Variants in NCOA2 observed in about 807,000 individuals in gnomAD.
NCOA2 encodes the protein nuclear receptor coactivator 2.
NCOA2 carries 21 observed loss-of-function variants against 145.1 expected under a neutral mutation model. The ratio of observed to expected loss-of-function variants is 0.14; its 90% CI spans 0.10 to 0.21. The LOEUF (loss-of-function observed/expected upper bound fraction) is 0.21. NCOA2 is among the 10% of genes least tolerant of loss of function. NCOA2 has a pLI of 1.00. For missense variants in NCOA2, 1,472 were observed against 1,837.6 expected, an observed-to-expected ratio of 0.80 and a Z score of 3.64; for synonymous variants, 619 against 637.5, an observed-to-expected ratio of 0.97 and a Z score of 0.44.
intron 2 of NCOA2, among the ~76,000 whole-genome samples, chr8:70,221,990 T>A (rs1372005514): frequency 1.3e-5 from 2 of 152,212 alleles, no homozygotes; most frequent in Non-Finnish European, 2.9e-5. Flanking sequence ...TCATAAGGGC[T>A]CTTTTAACGT....
At chr8:70,424,302 G>T in the NCOA2 span, 1 of 374,696 alleles carries the variant, frequency 2.7e-6, no homozygotes, top group South Asian at 2.2e-5. Flanking sequence ...CCTGGCTATA[G>T]TTTCCAGCCT....
the NCOA2 span, among the ~76,000 whole-genome samples, chr8:70,438,389 C>T: frequency 1.3e-5 from 2 of 151,982 alleles, no homozygotes; most frequent in Non-Finnish European, 2.9e-5. Flanking sequence ...TTTTTTCTTC[C>T]TCTTTTTTAT....
chr8:70,121,531 C>A (rs559112396), intron 21 of NCOA2, 140 bp from the exon 22 acceptor site: 14 of 630,068 alleles, frequency 2.2e-5, no homozygotes, highest in African/African-American at 1.6e-4. Context: ...TGGCCTCATC[C>A]TACACAAGCT....
the NCOA2 span, among the ~76,000 whole-genome samples, chr8:70,422,467 G>T: frequency 6.6e-6 from 1 of 151,718 alleles, no homozygotes; most frequent in African/African-American, 2.4e-5. Flanking sequence ...TTGGAGTGAA[G>T]TCGTGCAATC....
At chr8:70,302,979 T>C (rs1448676483) in intron 1 of NCOA2, among the ~76,000 whole-genome samples, 1 of 152,178 alleles carries the variant, frequency 6.6e-6, no homozygotes, top group Non-Finnish European at 1.5e-5. Flanking sequence ...TGCCCATTCC[T>C]TTCCATCTTG....
intron 5 of NCOA2, among the ~76,000 whole-genome samples, chr8:70,174,303 C>T (rs568345738): frequency 1.3e-5 from 2 of 152,264 alleles, no homozygotes; most frequent in South Asian, 4.1e-4. Flanking sequence ...AGTTTTCTTC[C>T]TTATGAGATA....
At chr8:70,373,774 A>G (rs1049989495) in intron 1 of NCOA2, among the ~76,000 whole-genome samples, 1 of 152,188 alleles carries the variant, frequency 6.6e-6, no homozygotes, top group East Asian at 1.9e-4. Flanking sequence ...ACCAATATCC[A>G]GTTGTTTTAA....
rs1409497568 is a variant in NCOA2 at position 70,276,033 on chromosome 8, T to C, written c.-20+20711A>G. 2.6e-5 allele frequency among the ~76,000 whole-genome samples: 4 copies of C among 152,216 alleles called. No homozygotes were observed. In the South Asian group the frequency reaches 6.2e-4, roughly 24 times the overall value. ...ACATCTAGAATTGTTCCTCTTTCTA[T>C]GAATGATTCCCTAATTATCAGAGAC... On this transcript the variant is annotated intron_variant, in intron 2 of 22. Transcript: ENST00000452400.
At chr8:70,203,088 C>A (rs1436226830) in intron 4 of NCOA2, among the ~76,000 whole-genome samples, 1 of 151,936 alleles carries the variant, frequency 6.6e-6, no homozygotes, top group Non-Finnish European at 1.5e-5. Context: ...CACGGTGAAA[C>A]CCCGTCTCAA....
intron 2 of NCOA2, among the ~76,000 whole-genome samples, chr8:70,256,030 T>C (rs751462752): frequency 6.6e-6 from 1 of 152,234 alleles, no homozygotes; most frequent in Non-Finnish European, 1.5e-5. Flanking sequence ...ATAAGCTCTG[T>C]GGTTCTTTAC....
chr8:70,161,525 G>A (rs1812999618), intron 9 of NCOA2, among the ~76,000 whole-genome samples: 1 of 152,100 alleles, frequency 6.6e-6, no homozygotes, highest in African/African-American at 2.4e-5. Flanking sequence ...TGAATAAGAT[G>A]AGGGGAAAAA....
the NCOA2 span, among the ~76,000 whole-genome samples, chr8:70,433,230 T>C: frequency 2.0e-5 from 3 of 152,122 alleles, no homozygotes; most frequent in Admixed American, 1.3e-4. Context: ...AGAATAATAG[T>C]CAATAGTGAT....
At chr8:70,370,794 TAGA>T (rs1413275829) in intron 1 of NCOA2, among the ~76,000 whole-genome samples, 1 of 152,000 alleles carries the variant, frequency 6.6e-6, no homozygotes, top group East Asian at 1.9e-4. Context: ...AGGCCACAAT[TAGA>T]AGAATGATAG....
chr8:70,251,730 T>C (rs975990192), intron 2 of NCOA2, among the ~76,000 whole-genome samples: 4 of 152,226 alleles, frequency 2.6e-5, no homozygotes, highest in Admixed American at 1.3e-4. Context: ...TTGAGATCAG[T>C]ATTACTCCCA....
At chr8:70,178,837 C>T (rs1295440233) in intron 4 of NCOA2, among the ~76,000 whole-genome samples, 4 of 152,158 alleles carry the variant, frequency 2.6e-5, no homozygotes, top group African/African-American at 9.7e-5. Flanking sequence ...CGGGCCACTA[C>T]AAAATCTCAG....
At chr8:70,118,552 A>G (rs542858019) in intron 22 of NCOA2, among the ~76,000 whole-genome samples, 3 of 152,236 alleles carry the variant, frequency 2.0e-5, no homozygotes, top group Admixed American at 6.5e-5. Context: ...ATATGCACAC[A>G]GTAAGTTAAA....
At chr8:70,252,940 T>A (rs1823327664) in intron 2 of NCOA2, among the ~76,000 whole-genome samples, 1 of 152,254 alleles carries the variant, frequency 6.6e-6, no homozygotes, top group South Asian at 2.1e-4. Context: ...CAAGACTGCA[T>A]CTCTCACAGC....
intron 4 of NCOA2, among the ~76,000 whole-genome samples, chr8:70,208,281 A>G (rs901293512): frequency 2.6e-5 from 4 of 151,374 alleles, no homozygotes; most frequent in East Asian, 1.9e-4. Context: ...GATGCAGAAG[A>G]TATTTTCAAT....
At chr8:70,170,427 C>T in intron 5 of NCOA2, 48 bp from the exon 6 acceptor site, 2 of 1,420,720 alleles carry the variant, frequency 1.4e-6, no homozygotes, top group Non-Finnish European at 1.9e-6. Context: ...AACATAACAT[C>T]ACATGCAATT....
Sources: allele counts gnomAD v4.1 joint callset (sites outside exome capture counted in the v4.1 genomes callset), GRCh38; gene constraint gnomAD v4.1.1; transcripts MANE v1.5; gene names NCBI Gene and HGNC (gene_info 2026-07-23, HGNC 2026-07-21).